Variants in VEGFB observed in about 807,000 individuals in gnomAD.
The protein encoded by VEGFB is VEGF-related factor.
In VEGFB, 24 loss-of-function variants were observed where a neutral mutation model predicts 22.5. The ratio of observed to expected loss-of-function variants is 1.07; its 90% CI spans 0.77 to 1.50. The LOEUF is 1.50. Among genes scored for constraint, VEGFB ranks in the 40% most tolerant of loss-of-function variants. The pLI, the probability that VEGFB is intolerant of heterozygous loss-of-function variation, is 0.00. For synonymous variants in VEGFB, 141 were observed against 117.4 expected (o/e 1.20, Z -1.30); for missense variants, 327 against 287.8 (o/e 1.14, Z -0.99).
intron 4 of VEGFB, among the ~76,000 whole-genome samples, chr11:64,236,716 CAAAAAA>C (rs773789771): frequency 4.0e-5 from 3 of 74,474 alleles, no homozygotes; most frequent in East Asian, 3.6e-4. Context: ...GACTCTGCCA[CAAAAAA>C]AAAAAAAAAA....
At chr11:64,236,054 C>T in intron 3 of VEGFB, 45 bp downstream of exon 3, 2 of 1,546,514 alleles carry the variant, frequency 1.3e-6, no homozygotes, top group East Asian at 2.4e-5. Context: ...AGGTACTGGG[C>T]AGGTGGGGCA....
chr11:64,237,289 C>T (rs1446174759), intron 5 of VEGFB, 67 bp downstream of exon 5: 2 of 1,532,674 alleles, frequency 1.3e-6, no homozygotes. Flanking sequence ...AGCTGTTGCT[C>T]CTCTTTCTCC....
chr11:64,236,058 TG>T, intron 3 of VEGFB, 49 bp downstream of exon 3: 3 of 1,544,842 alleles, frequency 1.9e-6, no homozygotes, highest in Non-Finnish European at 1.7e-6. Flanking sequence ...ACTGGGCAGG[TG>T]GGGCAGCGGG....
At chr11:64,235,344 A>C (rs1481768164) in intron 1 of VEGFB, 114 bp from the exon 2 acceptor site, 1 of 1,002,402 alleles carries the variant, frequency 1.0e-6, no homozygotes, top group Non-Finnish European at 1.5e-6. Context: ...GCAATCTGGA[A>C]AGATGTCAGA....
intron 2 of VEGFB, 21 bp from the exon 3 acceptor site, chr11:64,235,792 C>T (rs772922002): frequency 1.2e-6 from 2 of 1,613,012 alleles, no homozygotes; most frequent in African/African-American, 1.3e-5. Context: ...GAGGACTTAA[C>T]CCCTACCGGT....
At chr11:64,237,744 G>A in intron 6 of VEGFB, 89 bp downstream of exon 6, 4 of 1,233,112 alleles carry the variant, frequency 3.2e-6, no homozygotes, top group Non-Finnish European at 4.4e-6. Context: ...AGTAGGAGGA[G>A]GGCCAGGGAA....
At chr11:64,237,085 A>ACG in intron 4 of VEGFB, 102 bp from the exon 5 acceptor site, 1 of 601,334 alleles carries the variant, frequency 1.7e-6, no homozygotes, top group East Asian at 5.8e-5. Flanking sequence ...CACAGTCTCA[A>ACG]AGAGAGAGAG....
Position 64,239,068 on chromosome 11 carries a change from T to C in VEGFB, c.*735T>C, listed in dbSNP as rs1277351837. Among the ~76,000 whole-genome samples the C allele has an allele frequency of 6.6e-6, 1 of 152,350 alleles. No individual in the cohort carries two copies. The highest frequency in any genetic ancestry group is 1.9e-4 in the East Asian group (1 of 5,190). On this transcript the variant is annotated 3_prime_UTR_variant, in exon 7 of 7. Coordinates refer to ENST00000309422, the MANE Select transcript of VEGFB (RefSeq NM_003377.5). ...TTTTCTAGAAGGAGACAGCCTTCTG[T>C]GGCCAGAGAGCTTGGGGTAGGACCC...
In VEGFB at chr11:64,238,633, G is replaced by C. The variant is rs926502409; in HGVS notation, c.*300G>C. On this transcript the variant is annotated 3_prime_UTR_variant, in exon 7 of 7. Coordinates refer to ENST00000309422, the MANE Select transcript of VEGFB (RefSeq NM_003377.5). The stretch of plus-strand genomic sequence containing the variant: ...TCACATACCAGCTCAGGGGAGAATG[G>C]AGTACTGTCTCAGTTTCTAACCACT... 1.6e-5 allele frequency: 9 copies of C among 577,272 alleles called. No homozygotes were observed. The highest frequency in any genetic ancestry group is 2.9e-5 in the East Asian group (1 of 34,784). 35.8% of individuals were successfully genotyped at this position (577,272 alleles called of 1,614,324 possible). A position where few individuals can be genotyped will look rare whatever the true frequency, so the allele number is the denominator to read the frequency against.
At chr11:64,238,312 C>G (rs1463112717) in intron 6 of VEGFB, 44 bp from the exon 7 acceptor site, 2 of 1,535,832 alleles carry the variant, frequency 1.3e-6, no homozygotes, top group African/African-American at 2.7e-5. Context: ...AGGGCTGGGG[C>G]TGCGCTCCAG....
intron 4 of VEGFB, 49 bp downstream of exon 4, chr11:64,236,376 G>T: frequency 1.3e-6 from 2 of 1,579,810 alleles, no homozygotes; most frequent in Non-Finnish European, 1.7e-6. Flanking sequence ...GGCTTGGGGG[G>T]TGCTGGGTAT....
In VEGFB at chr11:64,239,211, G is replaced by A. The variant is rs952619260; in HGVS notation, c.*878G>A. Among the ~76,000 whole-genome samples the A allele has an allele frequency of 5.9e-5, 9 of 152,166 alleles. No homozygotes were observed. Among genetic ancestry groups the A allele is most frequent in the Non-Finnish European group, 1.3e-4 (9 of 68,026 alleles). ...GTTGGCGTCCTCGGGCCCCAGAGAA[G>A]TTTGAGACTATCTTTACGTAATAGA... is the stretch of plus-strand genomic sequence containing the variant. On this transcript the variant is annotated 3_prime_UTR_variant, in exon 7 of 7. Transcript: ENST00000309422.
At position 64,236,297 on chromosome 11, in the gene VEGFB, C is replaced by T; in HGVS notation, c.344C>T (p.Ser115Phe). ...CCGAGCAGTCAGCTGGGGGAGATGT[C>T]CCTGGAAGAACACAGCCAGTGTGAA... Reference protein sequence around the residue: ...RYPSSQLGEMSLEEHSQCECR... With the variant: ...RYPSSQLGEMFLEEHSQCECR... The change falls in exon 4 of 7, where the codon TCC becomes TTC. Residue 115 changes from serine (S) to phenylalanine (F), a missense_variant. Ser to Phe is a radical substitution (Grantham distance 155). Transcript: ENST00000309422. The T allele has an allele frequency of 1.2e-6, 2 of 1,613,920 alleles. No homozygotes were observed. The highest frequency in any genetic ancestry group is 2.2e-5 in the East Asian group (1 of 44,882).
rs1454410120 is a variant in VEGFB, at chr11:64,236,342, C to T, written c.374+15C>T. The T allele has an allele frequency of 1.2e-6, 2 of 1,613,124 alleles. No individual in the cohort carries two copies. Among genetic ancestry groups the T allele is most frequent in the East Asian group, 2.2e-5 (1 of 44,886 alleles). ...TGTGAATGCAGGTGCCAGCCAGGCC[C>T]AACTTCTGAGCTCGCAGAGGCCAGG... is the stretch of plus-strand genomic sequence containing the variant. On this transcript the variant is annotated intron_variant, in intron 4 of 6. Transcript: ENST00000309422.
rs1048177482 is a variant in VEGFB at position 64,237,582 on chromosome 11, C to G, written c.573C>G (p.Ala191=). The G allele has an allele frequency of 1.3e-6, 2 of 1,593,684 alleles. No homozygotes were observed. Among genetic ancestry groups the G allele is most frequent in the South Asian group, 1.1e-5 (1 of 90,170 alleles). ...STTSALTPGP[A]AAAADAAASS... is the part of the protein sequence containing the mutation. ...CCAGCGCCCTGACCCCCGGACCTGC[C>G]GCTGCCGCTGCCGACGCCGCAGCTT... Residue 191 remains alanine (A), a synonymous_variant, in exon 6 of 7, where the codon GCC becomes GCG. Transcript: ENST00000309422.
At position 64,234,906 on chromosome 11, in the gene VEGFB, C is replaced by T. The variant is rs1300916490; in HGVS notation, c.60+13C>T. 7.0e-6 allele frequency: 9 copies of T among 1,278,076 alleles called. No homozygotes were observed. Among genetic ancestry groups the T allele is most frequent in the South Asian group, 2.5e-5 (1 of 39,742 alleles). 79.2% of individuals were successfully genotyped at this position (1,278,076 alleles called of 1,614,324 possible). On this transcript the variant is annotated intron_variant, in intron 1 of 6. Coordinates refer to ENST00000309422, the MANE Select transcript of VEGFB (RefSeq NM_003377.5). The surrounding 1 kb of genome is among the most constrained non-coding windows in gnomAD (Gnocchi z 5.3). ...GGCCCCCGCCCAGGTACGTGCGGCCCGACAGCGCGCCCGCCCGCCCGCCGT... is the reference window on the plus strand; with the variant it reads ...GGCCCCCGCCCAGGTACGTGCGGCCTGACAGCGCGCCCGCCCGCCCGCCGT...
chr11:64,237,076 A>G (rs1385692320), intron 4 of VEGFB, 111 bp from the exon 5 acceptor site: 2 of 813,690 alleles, frequency 2.5e-6, no homozygotes, highest in South Asian at 2.1e-5. Flanking sequence ...AGAGGGAAAC[A>G]CAGTCTCAAA....
chr11:64,237,278 A>C, intron 5 of VEGFB, 56 bp downstream of exon 5: 1 of 1,553,436 alleles, frequency 6.4e-7, no homozygotes. Context: ...GTGAGTCCAG[A>C]AGCTGTTGCT....
chr11:64,238,256 G>A, intron 6 of VEGFB, 100 bp from the exon 7 acceptor site: 1 of 1,444,640 alleles, frequency 6.9e-7, no homozygotes, highest in Non-Finnish European at 9.4e-7. Flanking sequence ...GGTGTGGCAG[G>A]ATGCTCAGGT....
Sources: gnomAD v4.1 joint callset for allele counts (sites outside exome capture counted in the v4.1 genomes callset) on GRCh38, gnomAD v4.1.1 for gene constraint, Gnocchi (gnomAD v3.1) non-coding constraint, MANE v1.5 for transcripts, NCBI Gene and HGNC (gene_info 2026-07-23, HGNC 2026-07-21) for gene names.